The following PHYHIPL variants were observed in gnomAD, a reference collection of about 807,000 sequenced individuals.
The protein encoded by PHYHIPL is phytanoyl-CoA 2-hydroxylase interacting protein like, also known as phytanoyl-CoA hydroxylase-interacting protein-like.
In PHYHIPL, 9 loss-of-function variants were observed where a neutral mutation model predicts 33.4. The ratio of observed to expected loss-of-function variants is 0.27; its 90% CI spans 0.16 to 0.47. PHYHIPL has a LOEUF of 0.47. Ranked by LOEUF, PHYHIPL falls within the 20% of genes least tolerant of loss-of-function variation. The pLI is 0.99. For missense variants in PHYHIPL, 365 were observed against 460.7 expected (o/e 0.79, Z 1.90); for synonymous variants, 153 against 154.1 (o/e 0.99, Z 0.05).
At position 59,234,520 on chromosome 10, in the gene PHYHIPL, C is replaced by T. The variant is rs370068067; in HGVS notation, c.303+20C>T. 85 of 1,482,654 alleles carry T rather than the reference C, an allele frequency of 5.7e-5. No individual in the cohort carries two copies. Among genetic ancestry groups the T allele is most frequent in the Non-Finnish European group, 7.2e-5 (80 of 1,112,744 alleles). The allele number at this position is 1,482,654 out of a possible 1,614,324, so 91.8% of individuals were successfully genotyped here. A position where few individuals can be genotyped will look rare whatever the true frequency, so the allele number is the denominator to read the frequency against. ...CACAAGGTAAAATCTAACAAATACT[C>T]ATGCTAATTTGCATCTTAAAACTTT... On this transcript the variant is annotated intron_variant, in intron 2 of 4. Coordinates refer to ENST00000373880, the MANE Select transcript of PHYHIPL (RefSeq NM_032439.4).
At chr10:59,239,898 T>C (rs979997859) in intron 4 of PHYHIPL, among the ~76,000 whole-genome samples, 1 of 152,054 alleles carries the variant, frequency 6.6e-6, no homozygotes, top group African/African-American at 2.4e-5. Context: ...GGACTATGTA[T>C]GAAAAATATT....
intron 1 of PHYHIPL, among the ~76,000 whole-genome samples, chr10:59,196,476 G>A (rs1838922274): frequency 6.8e-6 from 1 of 147,466 alleles, no homozygotes; most frequent in Non-Finnish European, 1.5e-5. Flanking sequence ...GTGCAGTGGT[G>A]TGAATCTCGG....
intron 1 of PHYHIPL, among the ~76,000 whole-genome samples, chr10:59,197,273 C>G (rs1838946663): frequency 6.6e-6 from 1 of 152,180 alleles, no homozygotes; most frequent in African/African-American, 2.4e-5. Context: ...CCTTTATGAT[C>G]TGGCCATCAC....
chr10:59,212,413 A>T (rs563674959), intron 1 of PHYHIPL, among the ~76,000 whole-genome samples: 1 of 152,298 alleles, frequency 6.6e-6, no homozygotes, highest in South Asian at 2.1e-4. Flanking sequence ...AATGAACTGT[A>T]ATCTCATTGC....
At chr10:59,196,560 A>T (rs1318244964) in intron 1 of PHYHIPL, among the ~76,000 whole-genome samples, 2 of 151,802 alleles carry the variant, frequency 1.3e-5, no homozygotes, top group African/African-American at 4.8e-5. Flanking sequence ...CTGGGACTAC[A>T]GGCACCCACC....
At chr10:59,185,600 A>G (rs1838571772) in intron 1 of PHYHIPL, among the ~76,000 whole-genome samples, 1 of 152,110 alleles carries the variant, frequency 6.6e-6, no homozygotes, top group African/African-American at 2.4e-5. Flanking sequence ...AAGTGTTCAT[A>G]TTTCTCCACA....
chr10:59,226,013 T>C (rs1276315508), intron 1 of PHYHIPL, among the ~76,000 whole-genome samples: 1 of 152,140 alleles, frequency 6.6e-6, no homozygotes, highest in Non-Finnish European at 1.5e-5. Context: ...TTCTGTGTTT[T>C]TTTAACAGTA....
At chr10:59,176,038 C>G (rs1431719388), upstream of PHYHIPL, among the ~76,000 whole-genome samples, 1 of 152,192 alleles carries the variant, frequency 6.6e-6, no homozygotes, top group African/African-American at 2.4e-5. Context: ...GTGTCGTGGA[C>G]TGGCAAAATG....
intron 1 of PHYHIPL, among the ~76,000 whole-genome samples, chr10:59,224,035 A>G (rs1564454829): frequency 6.6e-6 from 1 of 152,216 alleles, no homozygotes; most frequent in Non-Finnish European, 1.5e-5. Flanking sequence ...TAGGTAATTA[A>G]AGAAACATGC....
At chr10:59,232,440 TA>T (rs1198578353) in intron 1 of PHYHIPL, among the ~76,000 whole-genome samples, 1 of 151,960 alleles carries the variant, frequency 6.6e-6, no homozygotes, top group Non-Finnish European at 1.5e-5. Context: ...ATAATAACAG[TA>T]ACATTTTTTC....
chr10:59,207,686 T>C (rs1564708622), intron 1 of PHYHIPL, among the ~76,000 whole-genome samples: 1 of 152,084 alleles, frequency 6.6e-6, no homozygotes, highest in African/African-American at 2.4e-5. Context: ...GGTCAGCAGA[T>C]CGAGACCATC....
At chr10:59,186,120 T>G (rs1051242336) in intron 1 of PHYHIPL, among the ~76,000 whole-genome samples, 1 of 152,222 alleles carries the variant, frequency 6.6e-6, no homozygotes, top group African/African-American at 2.4e-5. Flanking sequence ...AAGTCTTTAA[T>G]CCATCTTGAA....
At chr10:59,202,904 G>C (rs1027704411) in intron 1 of PHYHIPL, among the ~76,000 whole-genome samples, 4 of 151,866 alleles carry the variant, frequency 2.6e-5, no homozygotes, top group Non-Finnish European at 5.9e-5. Context: ...TTTTTACTTA[G>C]GGTTTAAAAC....
chr10:59,218,018 C>T (rs1280672482), intron 1 of PHYHIPL, among the ~76,000 whole-genome samples: 2 of 152,104 alleles, frequency 1.3e-5, no homozygotes, highest in Non-Finnish European at 2.9e-5. Context: ...TATACGTATA[C>T]TTGACATCAG....
chr10:59,226,435 G>A (rs1839926190), intron 1 of PHYHIPL, among the ~76,000 whole-genome samples: 1 of 152,128 alleles, frequency 6.6e-6, no homozygotes, highest in Non-Finnish European at 1.5e-5. Context: ...GAAGGCCCCA[G>A]TGTTTAATTT....
rs2133168132 is a variant in PHYHIPL at position 59,176,782 on chromosome 10, C to G, written c.-72C>G. On this transcript the variant is annotated 5_prime_UTR_variant, in exon 1 of 5. Coordinates refer to ENST00000373880, the MANE Select transcript of PHYHIPL (RefSeq NM_032439.4). ...TCTGCCACTCCCCCTCCCTTTCCCG[C>G]TCTTCTTGCCCACCCGGCCGGCAGA... 1 of 1,387,398 alleles carries G rather than the reference C, an allele frequency of 7.2e-7. No individual in the cohort carries two copies. The highest frequency in any genetic ancestry group is 2.0e-4 in the Middle Eastern group (1 of 5,086). 85.9% of individuals were successfully genotyped at this position (1,387,398 alleles called of 1,614,324 possible). A position where few individuals can be genotyped will look rare whatever the true frequency, so the allele number is the denominator to read the frequency against.
Position 59,176,964 on chromosome 10 carries a change from G to A in PHYHIPL, c.106+5G>A, listed in dbSNP as rs1838267286. ...TTCAGCTGTGCGACCGGGACGGTAA[G>A]AGCGGCCGGGACCGCGAGGAAAGGG... On this transcript the variant is annotated splice_donor_5th_base_variant and intron_variant, in intron 1 of 4. Transcript: ENST00000373880. The A allele has an allele frequency of 1.2e-6, 2 of 1,611,652 alleles. No homozygotes were observed. Among genetic ancestry groups the A allele is most frequent in the Non-Finnish European group, 1.7e-6 (2 of 1,179,116 alleles).
At chr10:59,242,502 A>G (rs1423279847) in intron 4 of PHYHIPL, among the ~76,000 whole-genome samples, 1 of 152,224 alleles carries the variant, frequency 6.6e-6, no homozygotes, top group Admixed American at 6.5e-5. Context: ...TGTCCAGGAT[A>G]CAAATGGAAC....
intron 1 of PHYHIPL, among the ~76,000 whole-genome samples, chr10:59,189,355 C>T (rs1045951918): frequency 4.6e-5 from 7 of 151,988 alleles, no homozygotes; most frequent in Non-Finnish European, 1.0e-4. Context: ...AATGCTTAAT[C>T]CTAATTTTTA....
Sources: allele counts gnomAD v4.1 joint callset (sites outside exome capture counted in the v4.1 genomes callset), GRCh38; gene constraint gnomAD v4.1.1; transcripts MANE v1.5; gene names NCBI Gene and HGNC (gene_info 2026-07-23, HGNC 2026-07-21).